HMG20A: variants seen among roughly 807,000 people sequenced by gnomAD.
HMG20A encodes the protein high mobility group 20A, also known as high mobility group protein 20A.
In HMG20A, 17 loss-of-function variants were observed where a neutral mutation model predicts 43.9. That is an observed-to-expected ratio of 0.39 (90% CI 0.27 to 0.58). The LOEUF (loss-of-function observed/expected upper bound fraction) is 0.58. Ranked by LOEUF, HMG20A falls within the 20% of genes least tolerant of loss-of-function variation. HMG20A has a pLI of 0.59. For missense variants in HMG20A, 341 were observed against 438.2 expected (o/e 0.78, Z 1.98); for synonymous variants, 132 against 147.5 (o/e 0.89, Z 0.76).
chr15:77,489,400 C>T (rs1036578025), downstream of HMG20A, among the ~76,000 whole-genome samples: 15 of 152,226 alleles, frequency 9.9e-5, no homozygotes, highest in Non-Finnish European at 1.9e-4. Context: ...GCTTTACATT[C>T]CACTATAGCC....
At chr15:77,456,591 A>G (rs2072656403) in intron 1 of HMG20A, among the ~76,000 whole-genome samples, 1 of 150,496 alleles carries the variant, frequency 6.6e-6, no homozygotes, top group Non-Finnish European at 1.5e-5. Flanking sequence ...GAAGCACAAG[A>G]ATCACCTGAA....
At chr15:77,514,117 C>T in the HMG20A span, among the ~76,000 whole-genome samples, 2 of 152,170 alleles carry the variant, frequency 1.3e-5, no homozygotes, top group Non-Finnish European at 2.9e-5. Context: ...GGACTTTATT[C>T]CATAAAATCT....
intron 4 of HMG20A, among the ~76,000 whole-genome samples, chr15:77,468,791 A>G (rs911963809): frequency 2.6e-5 from 4 of 152,190 alleles, no homozygotes; most frequent in Admixed American, 6.5e-5. Context: ...TTTCATTAAC[A>G]GTGCTTTAAT....
the HMG20A span, among the ~76,000 whole-genome samples, chr15:77,509,602 G>A: frequency 1.9e-5 from 2 of 105,872 alleles, no homozygotes; most frequent in Non-Finnish European, 4.1e-5. Flanking sequence ...GTGTGTGTGT[G>A]TGTGTCTTAA....
chr15:77,456,634 CAAAA>C (rs34114445), intron 1 of HMG20A, among the ~76,000 whole-genome samples: 165 of 95,352 alleles, frequency 1.7e-3, no homozygotes, highest in African/African-American at 5.4e-3. Flanking sequence ...GCGAGACTGT[CAAAA>C]AAAAAAAAAA....
chr15:77,450,484 C>CA (rs2073724783), intron 1 of HMG20A, among the ~76,000 whole-genome samples: 1 of 152,134 alleles, frequency 6.6e-6, no homozygotes. Context: ...CATGAGAAAG[C>CA]AAAGATGTCA....
intron 1 of HMG20A, among the ~76,000 whole-genome samples, chr15:77,455,735 G>A (rs760995373): frequency 1.6e-4 from 24 of 152,188 alleles, no homozygotes; most frequent in South Asian, 6.2e-4. Context: ...TCAAAGTTCA[G>A]TGTGACCTCT....
chr15:77,450,946 G>T (rs891316082), intron 1 of HMG20A, among the ~76,000 whole-genome samples: 1 of 152,200 alleles, frequency 6.6e-6, no homozygotes, highest in Non-Finnish European at 1.5e-5. Flanking sequence ...GGGTCATCAA[G>T]TGGGCACTCA....
intron 6 of HMG20A, among the ~76,000 whole-genome samples, chr15:77,476,788 G>A (rs945496180): frequency 2.0e-5 from 3 of 152,138 alleles, no homozygotes; most frequent in Admixed American, 6.5e-5. Flanking sequence ...AGCATCTTGA[G>A]TTATTGACTT....
chr15:77,458,473 G>C lies in HMG20A; in HGVS notation c.66G>C (p.Glu22Asp), dbSNP rs771845754. ...PLFADEDGSKESNDLATTGLN... is the reference protein window; with the variant it reads ...PLFADEDGSKDSNDLATTGLN... ...TTGCAGATGAAGACGGTTCCAAGGA[G>C]AGTAATGATCTGGCTACCACTGGGT... Residue 22 changes from glutamate to aspartate, a missense_variant, in exon 2 of 10, where the codon GAG (glutamate) becomes GAC (aspartate). Physicochemically the swap from Glu to Asp is conservative, Grantham distance 45. This residue lies in a region of HMG20A where 220 missense variants were observed against 263.6 expected (regional missense o/e 0.83). Transcript: ENST00000336216. 4 of 1,612,924 alleles carry C rather than the reference G, an allele frequency of 2.5e-6. No individual in the cohort carries two copies. Among genetic ancestry groups the C allele is most frequent in the Admixed American group, 3.3e-5 (2 of 59,968 alleles).
At chr15:77,516,838 G>A in the HMG20A span, among the ~76,000 whole-genome samples, 1 of 151,140 alleles carries the variant, frequency 6.6e-6, no homozygotes, top group Admixed American at 6.6e-5. Flanking sequence ...AGACACAACG[G>A]GCAGCTGAGC....
At chr15:77,513,123 C>A in the HMG20A span, among the ~76,000 whole-genome samples, 1 of 152,150 alleles carries the variant, frequency 6.6e-6, no homozygotes, top group African/African-American at 2.4e-5. Flanking sequence ...AACATGTAAT[C>A]ATGGATAGGA....
At chr15:77,430,274 A>G (rs2073470633) in intron 1 of HMG20A, among the ~76,000 whole-genome samples, 1 of 152,242 alleles carries the variant, frequency 6.6e-6, no homozygotes, top group African/African-American at 2.4e-5. Context: ...TAAATACTCT[A>G]GGTTAAATAA....
downstream of HMG20A, among the ~76,000 whole-genome samples, chr15:77,485,889 G>T (rs967577426): frequency 2.6e-5 from 4 of 152,176 alleles, no homozygotes; most frequent in Non-Finnish European, 5.9e-5. Context: ...CCGAGATCGT[G>T]CCACTGCACT....
the HMG20A span, among the ~76,000 whole-genome samples, chr15:77,517,837 C>T: frequency 2.0e-4 from 30 of 152,116 alleles, no homozygotes; most frequent in East Asian, 3.5e-3. Context: ...CAGCAGAAAA[C>T]GCTCAGGTTC....
the HMG20A span, among the ~76,000 whole-genome samples, chr15:77,502,397 A>C: frequency 1.3e-5 from 2 of 152,136 alleles, no homozygotes; most frequent in Non-Finnish European, 2.9e-5. Flanking sequence ...GCTCCTCTCT[A>C]TCTAAATCCT....
At chr15:77,508,972 C>T in the HMG20A span, among the ~76,000 whole-genome samples, 1 of 152,184 alleles carries the variant, frequency 6.6e-6, no homozygotes, top group Admixed American at 6.5e-5. Flanking sequence ...GCCTCTTTGG[C>T]CCCTTTGTTA....
intron 1 of HMG20A, among the ~76,000 whole-genome samples, chr15:77,428,158 G>T (rs1254295980): frequency 6.6e-6 from 1 of 152,212 alleles, no homozygotes; most frequent in Non-Finnish European, 1.5e-5. Flanking sequence ...GGAGGCTATA[G>T]TACATAAACA....
intron 1 of HMG20A, among the ~76,000 whole-genome samples, chr15:77,454,112 T>C (rs2072632462): frequency 6.7e-6 from 1 of 150,090 alleles, no homozygotes; most frequent in Admixed American, 6.7e-5. Context: ...CAGTGAGCTA[T>C]GATTATGCCA....
Sources: gnomAD v4.1 joint callset for allele counts (sites outside exome capture counted in the v4.1 genomes callset) on GRCh38, gnomAD v4.1.1 for gene constraint, gnomAD v4.1.1 regional missense constraint, MANE v1.5 for transcripts, NCBI Gene and HGNC (gene_info 2026-07-23, HGNC 2026-07-21) for gene names.